COL14A1: variants seen among roughly 807,000 people sequenced by gnomAD.
COL14A1 encodes collagen type XIV alpha 1 chain.
A neutral mutation model predicts 230.3 loss-of-function variants in COL14A1; 136 were observed. The ratio of observed to expected loss-of-function variants is 0.59; its 90% CI spans 0.51 to 0.68. The LOEUF is 0.68. Among genes scored for constraint, COL14A1 ranks in the 30% least tolerant of loss-of-function variants. COL14A1 has a pLI of 0.00. For missense variants in COL14A1, 1,976 were observed against 2,215.8 expected (o/e 0.89, Z 2.17); for synonymous variants, 792 against 784.1 (o/e 1.01, Z -0.17).
At chr8:120,185,459 A>T (rs1162513903) in intron 5 of COL14A1, among the ~76,000 whole-genome samples, 2 of 152,148 alleles carry the variant, frequency 1.3e-5, no homozygotes, top group African/African-American at 2.4e-5. Flanking sequence ...GTTCGAGACC[A>T]GCCAAGGCAA....
rs1363408180 is a variant in COL14A1 at position 120,362,826 on chromosome 8, C to A, written c.5078-4345C>A. On this transcript the variant is annotated intron_variant, in intron 45 of 47. Coordinates refer to ENST00000297848, the MANE Select transcript of COL14A1 (RefSeq NM_021110.4). ...AGGAGGAGATGGAGGGAGGGGACTT[C>A]TTTCTGATGATCCTAAATATTATTT... is the stretch of plus-strand genomic sequence containing the variant. Among the ~76,000 whole-genome samples the A allele has an allele frequency of 4.6e-5, 7 of 152,130 alleles. No individual in the cohort carries two copies. The East Asian group carries it at 1.2e-3, about 25-fold the overall frequency.
chr8:120,311,744 A>G (rs1047449741), intron 37 of COL14A1, among the ~76,000 whole-genome samples: 4 of 152,144 alleles, frequency 2.6e-5, no homozygotes, highest in Non-Finnish European at 5.9e-5. Context: ...ATTTTATAGG[A>G]TAAAATGGGA....
intron 5 of COL14A1, among the ~76,000 whole-genome samples, chr8:120,183,528 C>T (rs564804808): frequency 4.1e-4 from 63 of 152,160 alleles, no homozygotes; most frequent in Admixed American, 2.0e-4. Flanking sequence ...ATATAGAATC[C>T]TCCTAATCCC....
At chr8:120,333,716 C>T (rs1021963438) in intron 42 of COL14A1, among the ~76,000 whole-genome samples, 14 of 152,176 alleles carry the variant, frequency 9.2e-5, no homozygotes, top group Admixed American at 6.5e-4. Flanking sequence ...GGGAAGGTGT[C>T]GGTATTTCCT....
chr8:120,166,875 A>AGTGTGTGT (rs4053270), intron 4 of COL14A1, among the ~76,000 whole-genome samples: 8,642 of 116,796 alleles, frequency 0.074, 375 homozygotes, highest in Non-Finnish European at 0.086. Flanking sequence ...AAAGAATTTA[A>AGTGTGTGT]GTGTGTGTGT....
chr8:120,156,884 T>G (rs1815497597), intron 2 of COL14A1, among the ~76,000 whole-genome samples: 1 of 152,206 alleles, frequency 6.6e-6, no homozygotes, highest in East Asian at 1.9e-4. Flanking sequence ...AACCCCATGT[T>G]ATACCCCATG....
intron 23 of COL14A1, among the ~76,000 whole-genome samples, chr8:120,262,601 T>C (rs1373048097): frequency 1.3e-5 from 2 of 152,216 alleles, no homozygotes; most frequent in African/African-American, 2.4e-5. Flanking sequence ...TTAATAGTTC[T>C]CCATTAAGTA....
intron 11 of COL14A1, 76 bp from the exon 12 acceptor site, chr8:120,209,680 T>A: frequency 7.0e-7 from 1 of 1,431,720 alleles, no homozygotes; most frequent in African/African-American, 1.4e-5. Context: ...ATGGTCAATC[T>A]TATTTCTTGA....
intron 1 of COL14A1, among the ~76,000 whole-genome samples, chr8:120,138,149 T>G (rs1428716513): frequency 6.6e-6 from 1 of 152,150 alleles, no homozygotes; most frequent in African/African-American, 2.4e-5. Flanking sequence ...TATATATCTA[T>G]CAATATATCT....
chr8:120,210,947 T>C (rs1011033776), intron 12 of COL14A1, among the ~76,000 whole-genome samples: 1 of 151,916 alleles, frequency 6.6e-6, no homozygotes. Context: ...GCTGAGAAGA[T>C]GCTCAGCCTC....
At position 120,314,009 on chromosome 8, in the gene COL14A1, G is replaced by C. The variant is rs2130105402; in HGVS notation, c.4533G>C (p.Leu1511=). The change falls in exon 38 of 48, where the codon CTG becomes CTC. Residue 1511 remains leucine (L), a synonymous_variant. Transcript: ENST00000297848. ...GPPGPQGPSG[L]SIQGMPGMPG... is the part of the protein sequence containing the mutation. ...CTGGACCTCAAGGACCAAGTGGTCTGTCCATTCAAGGAATGCCCGTGAGTT... is the reference window on the plus strand; with the variant it reads ...CTGGACCTCAAGGACCAAGTGGTCTCTCCATTCAAGGAATGCCCGTGAGTT... The C allele has an allele frequency of 1.9e-6, 3 of 1,610,884 alleles. No homozygotes were observed. Among genetic ancestry groups the C allele is most frequent in the African/African-American group, 1.3e-5 (1 of 74,758 alleles).
At chr8:120,317,119 A>C (rs918630079) in intron 40 of COL14A1, among the ~76,000 whole-genome samples, 1 of 152,170 alleles carries the variant, frequency 6.6e-6, no homozygotes, top group African/African-American at 2.4e-5. Flanking sequence ...AGACTGGATT[A>C]TATAGAGTGG....
chr8:120,332,076 A>C lies in COL14A1; in HGVS notation c.4660-65A>C. 4 of 1,403,690 alleles carry C rather than the reference A, an allele frequency of 2.8e-6. No individual in the cohort carries two copies. In the South Asian group the frequency reaches 4.6e-5, roughly 16 times the overall value. The allele number at this position is 1,403,690 out of a possible 1,614,324, so 87.0% of individuals were successfully genotyped here. A position where few individuals can be genotyped will look rare whatever the true frequency, so the allele number is the denominator to read the frequency against. ...ACCCCCAAACATGAAAAGGAACTAAATGAGCCCATTCTGAAAGCCATATAA... is the reference window on the plus strand; with the variant it reads ...ACCCCCAAACATGAAAAGGAACTAACTGAGCCCATTCTGAAAGCCATATAA... On this transcript the variant is annotated intron_variant, in intron 40 of 47. Transcript: ENST00000297848.
Position 120,225,108 on chromosome 8 carries a change from T to C in COL14A1, c.1758T>C (p.Thr586=), listed in dbSNP as rs780462621. 5.4e-5 allele frequency: 87 copies of C among 1,612,150 alleles called. 1 individual carries two copies. In the South Asian group the frequency reaches 8.6e-4, roughly 16 times the overall value. The change falls in exon 15 of 48, where the codon ACT becomes ACC. Residue 586 remains threonine, a synonymous_variant. Transcript: ENST00000297848. ...GACAGGTTGAAGTCGATCCTATTAC[T>C]ACCTTCCCTCTGAAGGGCTTGACAC... The part of the protein sequence containing the change: ...EINEVEVDPI[T]TFPLKGLTPL...
intron 12 of COL14A1, among the ~76,000 whole-genome samples, chr8:120,210,528 A>G (rs540617719): frequency 5.9e-5 from 9 of 152,322 alleles, no homozygotes; most frequent in African/African-American, 1.7e-4. Flanking sequence ...GTAGATAAAC[A>G]TACCTCATTG....
At chr8:120,189,933 C>T (rs1208347968) in intron 5 of COL14A1, among the ~76,000 whole-genome samples, 6 of 151,306 alleles carry the variant, frequency 4.0e-5, no homozygotes, top group African/African-American at 7.3e-5. Flanking sequence ...TGAATAGTGC[C>T]ACAATAAACA....
chr8:120,367,216 C>T lies in COL14A1; in HGVS notation c.5123C>T (p.Thr1708Ile), dbSNP rs1211897719. 1 of 1,613,530 alleles carries T rather than the reference C, an allele frequency of 6.2e-7. No homozygotes were observed. The highest frequency in any genetic ancestry group is 8.5e-7 in the Non-Finnish European group (1 of 1,179,798). ...GAAAAAGGAAATCCAGGCGTTGGAACCCAAGGTCCAAGAGGCCCCCCTGGA... is the reference window on the plus strand; with the variant it reads ...GAAAAAGGAAATCCAGGCGTTGGAATCCAAGGTCCAAGAGGCCCCCCTGGA... ...KGEKGNPGVG[T>I]QGPRGPPGPA... The change falls in exon 46 of 48, where the codon ACC becomes ATC. Residue 1708 changes from threonine to isoleucine, a missense_variant. This residue lies in a region of COL14A1 where 1,791 missense variants were observed against 2,019.5 expected (regional missense o/e 0.89). Coordinates refer to ENST00000297848, the MANE Select transcript of COL14A1 (RefSeq NM_021110.4).
At position 120,197,762 on chromosome 8, in the gene COL14A1, T is replaced by G. The variant is rs771413406; in HGVS notation, c.593-49T>G. On this transcript the variant is annotated intron_variant, in intron 6 of 47. Transcript: ENST00000297848. The stretch of plus-strand genomic sequence containing the variant: ...CAGTTTCTTGAGTAGCCCACTAGAT[T>G]TTTGAGTAACCCATTATTCCTGGTG... 72 of 1,571,204 alleles carry G rather than the reference T, an allele frequency of 4.6e-5. No individual in the cohort carries two copies. The East Asian group carries it at 1.6e-3, about 34-fold the overall frequency.
At chr8:120,260,579 C>T (rs1013792333) in intron 23 of COL14A1, among the ~76,000 whole-genome samples, 1 of 152,052 alleles carries the variant, frequency 6.6e-6, no homozygotes, top group Non-Finnish European at 1.5e-5. Flanking sequence ...AGAAATAAAG[C>T]GTTATGAGGC....
Sources: gnomAD v4.1 joint callset for allele counts (sites outside exome capture counted in the v4.1 genomes callset) on GRCh38, gnomAD v4.1.1 for gene constraint, gnomAD v4.1.1 regional missense constraint, MANE v1.5 for transcripts, NCBI Gene and HGNC (gene_info 2026-07-23, HGNC 2026-07-21) for gene names.